AHSA1: variants seen among roughly 807,000 people sequenced by gnomAD.
AHSA1 encodes activator of HSP90 ATPase activity 1.
In AHSA1, 14 loss-of-function variants were observed where a neutral mutation model predicts 46.1. The ratio of observed to expected loss-of-function variants is 0.30; its 90% CI spans 0.20 to 0.47. The LOEUF (loss-of-function observed/expected upper bound fraction) is 0.47, where lower values mean the gene tolerates loss of function less well. Among genes scored for constraint, AHSA1 ranks in the 20% least tolerant of loss-of-function variants. The pLI is 0.99. For synonymous variants in AHSA1, 147 were observed against 145.8 expected (o/e 1.01, Z -0.06); for missense variants, 333 against 415.9 (o/e 0.80, Z 1.73).
At chr14:77,464,511 G>A in intron 4 of AHSA1, 87 bp from the exon 5 acceptor site, 1 of 1,132,546 alleles carries the variant, frequency 8.8e-7, no homozygotes, top group East Asian at 2.4e-5. Flanking sequence ...TCTGTGGTAG[G>A]ATGGCTGTGT....
chr14:77,459,220 G>T (rs536477181), intron 1 of AHSA1, among the ~76,000 whole-genome samples: 1 of 152,172 alleles, frequency 6.6e-6, no homozygotes, highest in East Asian at 1.9e-4. Flanking sequence ...AGGGTTATTG[G>T]TTTAATCCTT....
rs61992414 is a variant in AHSA1 at position 77,468,052 on chromosome 14, T to C, written c.691-31T>C. On this transcript the variant is annotated intron_variant, in intron 6 of 8. Coordinates refer to ENST00000216479, the MANE Select transcript of AHSA1 (RefSeq NM_012111.3). ...CTGAAAGCCATGTATCTTCTGCCTC[T>C]TTTTTTTTTTTTTTTTTTTTTTCCC... 1.5e-4 allele frequency: 39 copies of C among 265,696 alleles called. 2 individuals carry two copies. Among genetic ancestry groups the C allele is most frequent in the Non-Finnish European group, 1.9e-4 (37 of 199,988 alleles). The allele number at this position is 265,696 out of a possible 1,614,324, so 16.5% of individuals were successfully genotyped here.
At chr14:77,461,717 T>C (rs1472486001) in intron 2 of AHSA1, among the ~76,000 whole-genome samples, 2 of 152,218 alleles carry the variant, frequency 1.3e-5, no homozygotes, top group Admixed American at 6.5e-5. Context: ...ATGTATCCTG[T>C]GTAGCTGGGT....
intron 8 of AHSA1, 54 bp downstream of exon 8, chr14:77,468,562 ATT>A (rs36001778): frequency 7.0e-3 from 7,553 of 1,074,132 alleles, no homozygotes; most frequent in Admixed American, 8.7e-3. Flanking sequence ...CTTTGCTGTA[ATT>A]TTTTTTTTTT....
intron 8 of AHSA1, 33 bp downstream of exon 8, chr14:77,468,541 G>C: frequency 2.0e-6 from 3 of 1,491,122 alleles, no homozygotes; most frequent in Non-Finnish European, 1.9e-6. Context: ...ATTACCCCCA[G>C]AACTTTTTCT....
intron 2 of AHSA1, chr14:77,460,305 C>T (rs1392661038): frequency 1.1e-5 from 2 of 183,648 alleles, no homozygotes; most frequent in Non-Finnish European, 2.3e-5. Context: ...TGAGGTCATG[C>T]GTATGACCGT....
upstream of AHSA1, chr14:77,457,943 G>A (rs1005345114): frequency 1.1e-4 from 58 of 515,178 alleles, no homozygotes; most frequent in Non-Finnish European, 1.3e-4. Context: ...GGGAGAACCC[G>A]ATGGAGTCTG....
At chr14:77,459,140 C>G (rs74969795) in intron 1 of AHSA1, among the ~76,000 whole-genome samples, 4,177 of 152,182 alleles carry the variant, frequency 0.027, 194 homozygotes, top group African/African-American at 0.096. Context: ...ATCTAGGGGA[C>G]AGTGAATGTG....
At chr14:77,459,347 T>C (rs1420318172) in intron 1 of AHSA1, among the ~76,000 whole-genome samples, 1 of 152,234 alleles carries the variant, frequency 6.6e-6, no homozygotes, top group Non-Finnish European at 1.5e-5. Context: ...GTATCAAGTA[T>C]TCCCCCGCAC....
At chr14:77,462,563 C>T (rs1247843433) in intron 3 of AHSA1, 79 bp from the exon 4 acceptor site, 4 of 1,296,870 alleles carry the variant, frequency 3.1e-6, no homozygotes, top group East Asian at 2.3e-5. Flanking sequence ...TCAGCAGTCA[C>T]CTGATTGCTC....
intron 2 of AHSA1, chr14:77,460,022 C>A: frequency 3.4e-6 from 2 of 581,218 alleles, no homozygotes; most frequent in Non-Finnish European, 6.1e-6. Context: ...TAAGTCCCAT[C>A]CATGAAGTGG....
intron 5 of AHSA1, 135 bp downstream of exon 5, chr14:77,464,821 C>T: frequency 1.4e-6 from 1 of 709,096 alleles, no homozygotes; most frequent in East Asian, 2.8e-5. Flanking sequence ...GGTGCTTTTT[C>T]AGAGCGCCTG....
intron 5 of AHSA1, 74 bp downstream of exon 5, chr14:77,464,760 A>C: frequency 2.3e-6 from 3 of 1,328,710 alleles, no homozygotes; most frequent in Non-Finnish European, 3.2e-6. Context: ...TCCACATATC[A>C]GCTCTCTGTG....
At chr14:77,460,369 G>A (rs2079016215) in intron 2 of AHSA1, among the ~76,000 whole-genome samples, 1 of 151,714 alleles carries the variant, frequency 6.6e-6, no homozygotes, top group African/African-American at 2.4e-5. Flanking sequence ...CTAAAGCTAA[G>A]GGAGTATGAG....
chr14:77,468,938 C>A, intron 8 of AHSA1, 139 bp from the exon 9 acceptor site: 1 of 927,132 alleles, frequency 1.1e-6, no homozygotes, highest in Non-Finnish European at 1.7e-6. Context: ...GAACTCCTGA[C>A]CTCTGGTGAT....
upstream of AHSA1, chr14:77,457,935 G>T: frequency 2.0e-6 from 1 of 509,310 alleles, no homozygotes; most frequent in Non-Finnish European, 3.4e-6. Context: ...GCTTTTTGGG[G>T]AGAACCCGAT....
intron 6 of AHSA1, 114 bp from the exon 7 acceptor site, chr14:77,467,969 T>G: frequency 1.4e-6 from 1 of 703,574 alleles, no homozygotes; most frequent in Non-Finnish European, 2.3e-6. Context: ...TGGGGCAGAC[T>G]GGTGGAAATG....
intron 2 of AHSA1, among the ~76,000 whole-genome samples, 164 bp from the exon 3 acceptor site, chr14:77,461,996 T>C (rs2079027449): frequency 6.6e-6 from 1 of 152,194 alleles, no homozygotes; most frequent in African/African-American, 2.4e-5. Flanking sequence ...GACATTTCTT[T>C]TGGGGGTGCG....
At chr14:77,465,905 C>T (rs1005886160) in intron 6 of AHSA1, among the ~76,000 whole-genome samples, 1 of 152,176 alleles carries the variant, frequency 6.6e-6, no homozygotes, top group Non-Finnish European at 1.5e-5. Flanking sequence ...CAGCTCACTG[C>T]AACCTCTGCC....
Sources: allele counts gnomAD v4.1 joint callset (sites outside exome capture counted in the v4.1 genomes callset), GRCh38; gene constraint gnomAD v4.1.1; transcripts MANE v1.5; gene names NCBI Gene and HGNC (gene_info 2026-07-23, HGNC 2026-07-21).